The following VPS8 variants were observed in gnomAD, a reference collection of about 807,000 sequenced individuals.
The protein encoded by VPS8 is vacuolar protein sorting-associated protein 8 homolog.
VPS8 carries 129 observed loss-of-function variants against 216.4 expected under a neutral mutation model. The ratio of observed to expected loss-of-function variants is 0.60; its 90% CI spans 0.52 to 0.69. The LOEUF (loss-of-function observed/expected upper bound fraction) is 0.69, where lower values mean the gene tolerates loss of function less well. Ranked by LOEUF, VPS8 falls within the 30% of genes least tolerant of loss-of-function variation. The pLI is 0.00. For missense variants in VPS8, 1,531 were observed against 1,683.5 expected (o/e 0.91, Z 1.59); for synonymous variants, 571 against 565.4 (o/e 1.01, Z -0.14).
chr3:184,866,337 A>G (rs2108755572), intron 16 of VPS8, among the ~76,000 whole-genome samples: 1 of 152,366 alleles, frequency 6.6e-6, no homozygotes, highest in African/African-American at 2.4e-5. Flanking sequence ...AAATGTCCAG[A>G]AAAGGCAAAT....
chr3:184,911,340 A>G (rs1056192744), intron 25 of VPS8, among the ~76,000 whole-genome samples: 1 of 152,258 alleles, frequency 6.6e-6, no homozygotes, highest in Non-Finnish European at 1.5e-5. Flanking sequence ...CTCTCTAGGA[A>G]TATCGTGAGC....
intron 25 of VPS8, among the ~76,000 whole-genome samples, chr3:184,902,719 A>T (rs1224876419): frequency 8.6e-5 from 13 of 151,264 alleles, no homozygotes; most frequent in African/African-American, 3.2e-4. Context: ...AGTCCCAGCT[A>T]CTCAGGAGGC....
chr3:184,946,503 T>C (rs1285536034), intron 36 of VPS8, among the ~76,000 whole-genome samples: 1 of 152,218 alleles, frequency 6.6e-6, no homozygotes, highest in African/African-American at 2.4e-5. Context: ...CCTTTTCCGT[T>C]TTTGAACAGG....
chr3:184,831,130 G>A (rs1185246311), intron 3 of VPS8, among the ~76,000 whole-genome samples: 1 of 152,204 alleles, frequency 6.6e-6, no homozygotes, highest in African/African-American at 2.4e-5. Flanking sequence ...AACCAGGAAG[G>A]AGAGATGTAC....
intron 36 of VPS8, 46 bp downstream of exon 36, chr3:184,940,289 T>TA (rs1560780294): frequency 1.9e-5 from 15 of 797,498 alleles, no homozygotes; most frequent in Non-Finnish European, 2.2e-5. Flanking sequence ...TATATATATA[T>TA]GAGAAATAAA....
chr3:184,836,011 G>A (rs924721929), intron 5 of VPS8, among the ~76,000 whole-genome samples: 6 of 152,064 alleles, frequency 3.9e-5, no homozygotes, highest in Non-Finnish European at 8.8e-5. Flanking sequence ...GTCCAGCCAA[G>A]TTTGGATTTT....
At chr3:184,838,816 T>C (rs1354672206) in intron 6 of VPS8, 70 bp downstream of exon 6, 6 of 1,193,508 alleles carry the variant, frequency 5.0e-6, no homozygotes, top group Non-Finnish European at 7.0e-6. Flanking sequence ...TATCATTACA[T>C]TGTTCAAAAT....
At chr3:184,942,062 G>A (rs1287842207) in intron 36 of VPS8, among the ~76,000 whole-genome samples, 4 of 151,774 alleles carry the variant, frequency 2.6e-5, no homozygotes, top group Non-Finnish European at 5.9e-5. Flanking sequence ...TAAACTTTTT[G>A]AATTTGATGT....
chr3:184,909,800 C>A (rs529315782), intron 25 of VPS8, among the ~76,000 whole-genome samples: 7 of 152,256 alleles, frequency 4.6e-5, no homozygotes, highest in Non-Finnish European at 1.0e-4. Flanking sequence ...GTTTTTCATG[C>A]TGGATAATTT....
chr3:184,970,368 G>A (rs1175102829), intron 39 of VPS8, among the ~76,000 whole-genome samples: 2 of 152,178 alleles, frequency 1.3e-5, no homozygotes, highest in African/African-American at 4.8e-5. Flanking sequence ...AGACAGATAA[G>A]TAAATAAAAC....
chr3:184,871,759 A>G (rs1427139725), intron 21 of VPS8, among the ~76,000 whole-genome samples: 1 of 152,124 alleles, frequency 6.6e-6, no homozygotes, highest in East Asian at 1.9e-4. Context: ...ACATTAATGG[A>G]CATATTTAGA....
At chr3:184,813,186 C>G (rs1475256173) in intron 1 of VPS8, among the ~76,000 whole-genome samples, 2 of 152,114 alleles carry the variant, frequency 1.3e-5, no homozygotes, top group Non-Finnish European at 2.9e-5. Context: ...GGGGAGCCTT[C>G]TTTAAATAAG....
At chr3:184,909,772 A>G (rs1736140773) in intron 25 of VPS8, among the ~76,000 whole-genome samples, 1 of 152,152 alleles carries the variant, frequency 6.6e-6, no homozygotes, top group Admixed American at 6.5e-5. Flanking sequence ...TTTAAGAAGA[A>G]TATATTTTAT....
rs935939550 is a variant in VPS8 at position 184,963,466 on chromosome 3, A to G, written c.3184-1002A>G. Among the ~76,000 whole-genome samples, 6 of 152,086 alleles carry G rather than the reference A, an allele frequency of 3.9e-5. No individual in the cohort carries two copies. The South Asian group carries it at 6.2e-4, about 16-fold the overall frequency. On this transcript the variant is annotated intron_variant, in intron 37 of 47. Coordinates refer to ENST00000625842, the MANE Select transcript of VPS8 (RefSeq NM_001009921.3). ...GGAGATTTCTCAAGATGACCTTTCT[A>G]TATTGATTGCTGCTGCTGTTTTAAA...
chr3:184,842,186 CA>C (rs71162267), intron 7 of VPS8, among the ~76,000 whole-genome samples: 112 of 48,980 alleles, frequency 2.3e-3, no homozygotes, highest in South Asian at 0.019. Flanking sequence ...GACTCCGTCT[CA>C]AAAAAAAAAA....
intron 40 of VPS8, among the ~76,000 whole-genome samples, chr3:184,977,480 GTT>G (rs1186436378): frequency 1.3e-5 from 2 of 151,924 alleles, no homozygotes; most frequent in Non-Finnish European, 2.9e-5. Flanking sequence ...TTTTTCAGTT[GTT>G]TTTGTTGCAG....
In VPS8 at chr3:184,868,114, A is replaced by G. The variant is rs577643812; in HGVS notation, c.1506+55A>G. On this transcript the variant is annotated intron_variant, in intron 18 of 47. Coordinates refer to ENST00000625842, the MANE Select transcript of VPS8 (RefSeq NM_001009921.3). ...GTTACTGAATTGGTAGCTTCTTAAC[A>G]TTTCTGTTTTGACTTTTCAGAAGAA... 6.3e-5 allele frequency: 100 copies of G among 1,578,836 alleles called. 2 individuals carry two copies. In the South Asian group the frequency reaches 7.8e-4, roughly 12 times the overall value.
chr3:184,823,233 C>G (rs544445490), intron 1 of VPS8, among the ~76,000 whole-genome samples: 1 of 152,160 alleles, frequency 6.6e-6, no homozygotes, highest in Non-Finnish European at 1.5e-5. Flanking sequence ...TTATTTCAAG[C>G]CAGGCATGAT....
intron 36 of VPS8, among the ~76,000 whole-genome samples, chr3:184,947,456 C>G (rs1479830150): frequency 2.0e-5 from 3 of 151,944 alleles, no homozygotes; most frequent in Non-Finnish European, 4.4e-5. Flanking sequence ...GGTACATTGT[C>G]CCATACCTTA....
Sources: allele counts gnomAD v4.1 joint callset (sites outside exome capture counted in the v4.1 genomes callset), GRCh38; gene constraint gnomAD v4.1.1; transcripts MANE v1.5; gene names NCBI Gene and HGNC (gene_info 2026-07-23, HGNC 2026-07-21).